Variants in CRMP1 observed in about 807,000 individuals in gnomAD.
The protein encoded by CRMP1 is dihydropyrimidinase-related protein 1.
A neutral mutation model predicts 68.3 loss-of-function variants in CRMP1; 19 were observed. The observed-to-expected ratio is 0.28, with a 90% confidence interval of 0.19 to 0.41. CRMP1 has a LOEUF of 0.41. Among genes scored for constraint, CRMP1 ranks in the 10% least tolerant of loss-of-function variants. The pLI is 1.00. For missense variants in CRMP1, 791 were observed against 967.4 expected, an observed-to-expected ratio of 0.82 and a Z score of 2.42; for synonymous variants, 439 against 399.6, an observed-to-expected ratio of 1.10 and a Z score of -1.18.
At position 5,842,609 on chromosome 4, in the gene CRMP1, C is replaced by G. The variant is rs567376432; in HGVS notation, c.1032+484G>C. Among the ~76,000 whole-genome samples, 1 of 150,746 alleles carries G rather than the reference C, an allele frequency of 6.6e-6. No individual in the cohort carries two copies. The highest frequency in any genetic ancestry group is 1.9e-4 in the East Asian group (1 of 5,142). On this transcript the variant is annotated intron_variant, in intron 7 of 13. Transcript: ENST00000324989. The surrounding 1 kb of genome is among the most constrained non-coding windows in gnomAD (Gnocchi z 4.5). ...ACTCACACACTCTCTCACACACACACACACACACTCACTCACACACACACA... is the reference window on the plus strand; with the variant it reads ...ACTCACACACTCTCTCACACACACAGACACACACTCACTCACACACACACA...
At chr4:5,884,482 G>GCA (rs59746322) in intron 1 of CRMP1, among the ~76,000 whole-genome samples, 10 of 150,094 alleles carry the variant, frequency 6.7e-5, no homozygotes, top group African/African-American at 1.7e-4. Context: ...AACTATGCAT[G>GCA]CACACACACA....
Position 5,890,428 on chromosome 4 carries a change from G to C in CRMP1, c.381+2161C>G, listed in dbSNP as rs918576715. Among the ~76,000 whole-genome samples, 1 of 152,240 alleles carries C rather than the reference G, an allele frequency of 6.6e-6. No individual in the cohort carries two copies. The highest frequency in any genetic ancestry group is 2.1e-4 in the South Asian group (1 of 4,834). On this transcript the variant is annotated intron_variant, in intron 1 of 13. Transcript: ENST00000324989. The surrounding 1 kb of genome is among the most constrained non-coding windows in gnomAD (Gnocchi z 5.5). ...CCCAGGGAGAAGCCTGGTGGGCGGGGGGGGAAGGGCCGGGGCACCCGTTGC... is the reference window on the plus strand; with the variant it reads ...CCCAGGGAGAAGCCTGGTGGGCGGGCGGGGAAGGGCCGGGGCACCCGTTGC...
intron 11 of CRMP1, among the ~76,000 whole-genome samples, chr4:5,829,702 A>C (rs1405768343): frequency 6.6e-6 from 1 of 152,178 alleles, no homozygotes; most frequent in Admixed American, 6.5e-5. Context: ...TTACCTCAGC[A>C]ATTGTTCCAT....
Position 5,849,496 on chromosome 4 carries a change from G to A in CRMP1, c.883-24C>T, listed in dbSNP as rs576277093. 3.0e-5 allele frequency: 46 copies of A among 1,527,708 alleles called. 1 individual carries two copies. In the South Asian group the frequency reaches 4.8e-4, roughly 16 times the overall value. The allele number at this position is 1,527,708 out of a possible 1,614,324, so 94.6% of individuals were successfully genotyped here. On this transcript the variant is annotated intron_variant, in intron 5 of 13. Transcript: ENST00000324989. ...AGCTATGGAGAGATAAACAGGGGTT[G>A]GTGTGAGATTTAAAAAAAAAAAAAA...
At chr4:5,824,909 GA>G in intron 13 of CRMP1, 1 of 985,386 alleles carries the variant, frequency 1.0e-6, no homozygotes, top group Non-Finnish European at 1.2e-6. Context: ...AGTCAGGAGG[GA>G]TCAGGTCAAC....
chr4:5,823,737 C>T (rs1351280969), intron 13 of CRMP1, among the ~76,000 whole-genome samples: 1 of 152,240 alleles, frequency 6.6e-6, no homozygotes, highest in African/African-American at 2.4e-5. Context: ...GAGGCCCTCA[C>T]CAGAAGCAGA....
rs111971194 is a variant in CRMP1 at position 5,836,510 on chromosome 4, T to C, written c.1452+255A>G. Among the ~76,000 whole-genome samples, 872 of 152,198 alleles carry C rather than the reference T, an allele frequency of 5.7e-3. 8 individuals are homozygous for C. The highest frequency in any genetic ancestry group is 0.018 in the African/African-American group (768 of 41,528). ...CATTTCCACAGGAACTAAGACGTGG[T>C]TGAGAAACAAAACAAAACATTTTTC... On this transcript the variant is annotated intron_variant, in intron 10 of 13. Coordinates refer to ENST00000324989, the MANE Select transcript of CRMP1 (RefSeq NM_001014809.3).
At chr4:5,868,366 A>G (rs926961578) in intron 1 of CRMP1, among the ~76,000 whole-genome samples, 3 of 147,674 alleles carry the variant, frequency 2.0e-5, no homozygotes, top group African/African-American at 7.5e-5. Flanking sequence ...CAGTGGCACG[A>G]TTTCAGCTTA....
chr4:5,821,850 A>C lies in CRMP1; in HGVS notation c.1971T>G (p.Gly657=), dbSNP rs768849755. 1 of 1,578,770 alleles carries C rather than the reference A, an allele frequency of 6.3e-7. No homozygotes were observed. The highest frequency in any genetic ancestry group is 8.6e-7 in the Non-Finnish European group (1 of 1,166,498). Residue 657 remains glycine, a splice_region_variant and synonymous_variant, in exon 14 of 14, where the codon GGT becomes GGG. Coordinates refer to ENST00000324989, the MANE Select transcript of CRMP1 (RefSeq NM_001014809.3). The surrounding 1 kb of genome is among the most constrained non-coding windows in gnomAD (Gnocchi z 4.4). ...TGGGATTGTTGTCATCTATCTGGGC[A>C]CCTGAAAGAGAGCGCCAATCGCTGC... ...NLHQSNFSLS[G]AQIDDNNPRR... is the part of the protein sequence containing the mutation.
rs767339295 is a variant in CRMP1, at chr4:5,856,288, T to C, written c.675A>G (p.Glu225=). The change falls in exon 4 of 14, where the codon GAA becomes GAG. Residue 225 remains glutamate (E), a synonymous_variant. Coordinates refer to ENST00000324989, the MANE Select transcript of CRMP1 (RefSeq NM_001014809.3). ...AAGAGGTCAGTAGGCTGGACCCAGGTTCAGGAACAACATGGTCAACTGGGA... is the reference window on the plus strand; with the variant it reads ...AAGAGGTCAGTAGGCTGGACCCAGGCTCAGGAACAACATGGTCAACTGGGA... The part of the protein sequence containing the change: ...TTMIIDHVVP[E]PGSSLLTSFE... 1.9e-6 allele frequency: 3 copies of C among 1,613,324 alleles called. No homozygotes were observed. Among genetic ancestry groups the C allele is most frequent in the Non-Finnish European group, 2.5e-6 (3 of 1,179,702 alleles).
intron 12 of CRMP1, among the ~76,000 whole-genome samples, chr4:5,827,857 C>T (rs111626292): frequency 1.8e-4 from 28 of 152,288 alleles, no homozygotes; most frequent in African/African-American, 6.5e-4. Flanking sequence ...GGGCGGGAGT[C>T]TCTCTCAGCT....
chr4:5,839,400 G>A lies in CRMP1; in HGVS notation c.1310+122C>T, dbSNP rs1711534580. 1.1e-5 allele frequency: 14 copies of A among 1,257,340 alleles called. No homozygotes were observed. In the South Asian group the frequency reaches 1.9e-4, roughly 17 times the overall value. 77.9% of individuals were successfully genotyped at this position (1,257,340 alleles called of 1,614,324 possible). On this transcript the variant is annotated intron_variant, in intron 9 of 13. Coordinates refer to ENST00000324989, the MANE Select transcript of CRMP1 (RefSeq NM_001014809.3). The stretch of plus-strand genomic sequence containing the variant: ...GCCATATGAGCGCAGTCCTTGCAGA[G>A]CACGGGGCAGAGCCTCCTCTACAAT...
At chr4:5,886,607 T>G (rs536962135) in intron 1 of CRMP1, among the ~76,000 whole-genome samples, 1 of 152,314 alleles carries the variant, frequency 6.6e-6, no homozygotes, top group Admixed American at 6.5e-5. Context: ...CTATTAAGTT[T>G]CCACCTTGGA....
In CRMP1 at chr4:5,828,923, A is replaced by T. The variant is rs1159115193; in HGVS notation, c.1624-255T>A. On this transcript the variant is annotated intron_variant, in intron 11 of 13. Transcript: ENST00000324989. ...AATATTGTTCTGGGGCATCACAAAG[A>T]GGAAGGGGGTCCCCCGGGGTTATGC... Among the ~76,000 whole-genome samples, 4 of 146,080 alleles carry T rather than the reference A, an allele frequency of 2.7e-5. No homozygotes were observed. In the South Asian group the frequency reaches 8.4e-4, roughly 30 times the overall value.
rs534751452 is a variant in CRMP1, at chr4:5,873,302, G to A, written c.382-6546C>T. On this transcript the variant is annotated intron_variant, in intron 1 of 13. Transcript: ENST00000324989. ...TAGGTATTAGCCACACAGCAAAGGCGAAAAGGGATCCTGAGAGAGGGAAGC... is the reference window on the plus strand; with the variant it reads ...TAGGTATTAGCCACACAGCAAAGGCAAAAAGGGATCCTGAGAGAGGGAAGC... Among the ~76,000 whole-genome samples the A allele has an allele frequency of 6.6e-5, 10 of 152,348 alleles. No individual in the cohort carries two copies. The South Asian group carries it at 1.0e-3, about 16-fold the overall frequency.
At chr4:5,846,957 C>T (rs746622244) in intron 6 of CRMP1, among the ~76,000 whole-genome samples, 1 of 151,818 alleles carries the variant, frequency 6.6e-6, no homozygotes, top group Non-Finnish European at 1.5e-5. Context: ...CTGAGAAAAC[C>T]ACTCAGCTGC....
rs1713524305 is a variant in CRMP1, at chr4:5,861,196, T to C, written c.485A>G (p.Asn162Ser). ...EDGLIKQIGENLIVPGGVKTI... is the reference protein window; with the variant it reads ...EDGLIKQIGESLIVPGGVKTI... ...CTTCACTCCACCAGGAACGATTAAG[T>C]TCTCTCCTATTTGTCTGGAGGCAAA... is the stretch of plus-strand genomic sequence containing the variant. Residue 162 changes from asparagine (N) to serine (S), a missense_variant, in exon 3 of 14, where the codon AAC (asparagine) becomes AGC (serine). Physicochemically the swap from Asn to Ser is conservative, Grantham distance 46 (BLOSUM62 1). Coordinates refer to ENST00000324989, the MANE Select transcript of CRMP1 (RefSeq NM_001014809.3). This position sits in a 1 kb window ranked among gnomAD's most constrained non-coding sequence, Gnocchi z 6.0. The C allele has an allele frequency of 6.2e-7, 1 of 1,613,804 alleles. No individual in the cohort carries two copies. The highest frequency in any genetic ancestry group is 1.1e-5 in the South Asian group (1 of 91,032).
chr4:5,859,038 G>A lies in CRMP1; in HGVS notation c.655+1988C>T, dbSNP rs1351453302. On this transcript the variant is annotated intron_variant, in intron 3 of 13. Transcript: ENST00000324989. The surrounding 1 kb of genome is among the most constrained non-coding windows in gnomAD (Gnocchi z 5.2). Reference sequence around the variant, plus strand: ...CTGAGACCCTGCCCCTCAGTTCAAAGCACTGTGTACCCTTCTTTTGTAGCA... The same window carrying A: ...CTGAGACCCTGCCCCTCAGTTCAAAACACTGTGTACCCTTCTTTTGTAGCA... Among the ~76,000 whole-genome samples the A allele has an allele frequency of 6.6e-6, 1 of 151,608 alleles. No homozygotes were observed. The highest frequency in any genetic ancestry group is 2.4e-5 in the African/African-American group (1 of 41,106).
chr4:5,855,856 G>A lies in CRMP1; in HGVS notation c.820+287C>T, dbSNP rs1011218983. 3.3e-5 allele frequency among the ~76,000 whole-genome samples: 5 copies of A among 152,160 alleles called. No homozygotes were observed. The highest frequency in any genetic ancestry group is 7.2e-5 in the African/African-American group (3 of 41,434). The stretch of plus-strand genomic sequence containing the variant: ...GGGATGGCAGCCAGGCTAGTGATCC[G>A]GGTGATGGAAAAGAAAAGTGAAGTT... On this transcript the variant is annotated intron_variant, in intron 4 of 13. Coordinates refer to ENST00000324989, the MANE Select transcript of CRMP1 (RefSeq NM_001014809.3). This position sits in a 1 kb window ranked among gnomAD's most constrained non-coding sequence, Gnocchi z 4.9.
Sources: gnomAD v4.1 joint callset for allele counts (sites outside exome capture counted in the v4.1 genomes callset) on GRCh38, gnomAD v4.1.1 for gene constraint, Gnocchi (gnomAD v3.1) non-coding constraint, MANE v1.5 for transcripts, NCBI Gene and HGNC (gene_info 2026-07-23, HGNC 2026-07-21) for gene names.